Variants in PDPR observed in about 807,000 individuals in gnomAD.
PDPR encodes the protein pyruvate dehydrogenase phosphatase regulatory subunit, mitochondrial.
Under a neutral mutation model 102.2 loss-of-function variants are expected in PDPR, and 50 were observed. That is an observed-to-expected ratio of 0.49 (90% confidence interval 0.39 to 0.62). The LOEUF (loss-of-function observed/expected upper bound fraction) is 0.62. PDPR is among the 20% of genes least tolerant of loss of function. The pLI, the probability that PDPR is intolerant of heterozygous loss-of-function variation, is 0.00. For missense variants in PDPR, 625 were observed against 1,098.2 expected, an observed-to-expected ratio of 0.57 and a Z score of 6.09; for synonymous variants, 259 against 406.0, an observed-to-expected ratio of 0.64 and a Z score of 4.35.
At chr16:70,139,333 C>T (rs1190000874) in intron 11 of PDPR, among the ~76,000 whole-genome samples, 3 of 152,172 alleles carry the variant, frequency 2.0e-5, no homozygotes, top group East Asian at 1.9e-4. Context: ...CTTGAGAGAC[C>T]GTATGTCGAA....
chr16:70,119,026 G>T (rs1231382084), intron 2 of PDPR, among the ~76,000 whole-genome samples: 1 of 152,140 alleles, frequency 6.6e-6, no homozygotes, highest in East Asian at 1.9e-4. Flanking sequence ...GCTACCCTAA[G>T]GCCCCCTTGT....
intron 11 of PDPR, 41 bp from the exon 12 acceptor site, chr16:70,142,193 C>T (rs1358030357): frequency 6.2e-7 from 1 of 1,601,772 alleles, no homozygotes; most frequent in Non-Finnish European, 8.5e-7. Flanking sequence ...GGTCTAGAAT[C>T]TGTGTCTTGG....
rs112108593 is a variant in PDPR at position 70,160,784 on chromosome 16, G to T, written c.*3905G>T. The T allele has an allele frequency of 0.078, 11,547 of 148,984 alleles. No homozygotes were observed. Among genetic ancestry groups the T allele is most frequent in the Non-Finnish European group, 0.11 (7,216 of 66,014 alleles). The allele number at this position is 148,984 out of a possible 1,614,324, so 9.2% of individuals were successfully genotyped here. A position where few individuals can be genotyped will look rare whatever the true frequency, so the allele number is the denominator to read the frequency against. On this transcript the variant is annotated 3_prime_UTR_variant, in exon 19 of 19. Transcript: ENST00000288050. ...TAGCCTCCTCCCTTGCCACCGTCTT[G>T]GTGGCAGTAGCGATGCAAGAATGAT... is the stretch of plus-strand genomic sequence containing the variant.
chr16:70,113,989 T>C (rs2549075), upstream of PDPR: 6,708 of 150,000 alleles, frequency 0.045, 551 homozygotes, highest in African/African-American at 0.16. Context: ...AAGAAAGAAC[T>C]CCCGCGCTCC....
chr16:70,154,093 T>C (rs1356936933), intron 18 of PDPR, among the ~76,000 whole-genome samples: 1 of 152,214 alleles, frequency 6.6e-6, no homozygotes, highest in Non-Finnish European at 1.5e-5. Context: ...GAGGCAGAGG[T>C]TGCAGTGAGC....
chr16:70,121,317 T>G (rs1360008177), intron 3 of PDPR, among the ~76,000 whole-genome samples: 2 of 151,888 alleles, frequency 1.3e-5, no homozygotes, highest in African/African-American at 4.8e-5. Flanking sequence ...TAATTTGTAA[T>G]AGTTACAGAG....
chr16:70,114,605 G>A (rs4985397), intron 1 of PDPR, among the ~76,000 whole-genome samples, 165 bp downstream of exon 1: 57,961 of 152,050 alleles, frequency 0.38, 11,194 homozygotes, highest in Non-Finnish European at 0.39. Flanking sequence ...AGTCGCGTCC[G>A]GGCGCCAGTA....
intron 2 of PDPR, among the ~76,000 whole-genome samples, chr16:70,115,424 C>T (rs1962540757): frequency 6.6e-6 from 1 of 152,174 alleles, no homozygotes; most frequent in African/African-American, 2.4e-5. Context: ...GCTCGGCCAA[C>T]TTGTGTTAAT....
At position 70,132,315 on chromosome 16, in the gene PDPR, T is replaced by C; in HGVS notation, c.997+15T>C. The C allele has an allele frequency of 6.2e-7, 1 of 1,604,636 alleles. No individual in the cohort carries two copies. Among genetic ancestry groups the C allele is most frequent in the Non-Finnish European group, 8.5e-7 (1 of 1,171,846 alleles). ...GGATCACTTTGGTATGTGAACTGCA[T>C]TATAACCGTAGTGCCTTATATTTGT... On this transcript the variant is annotated intron_variant, in intron 9 of 18. Coordinates refer to ENST00000288050, the MANE Select transcript of PDPR (RefSeq NM_017990.5).
intron 3 of PDPR, among the ~76,000 whole-genome samples, chr16:70,125,151 T>G (rs1443907669): frequency 2.6e-5 from 4 of 152,222 alleles, no homozygotes; most frequent in East Asian, 1.9e-4. Flanking sequence ...CTGAGGCGGG[T>G]GGATCATCTA....
At position 70,153,591 on chromosome 16, in the gene PDPR, A is replaced by T; in HGVS notation, c.2235+18A>T. The T allele has an allele frequency of 6.3e-7, 1 of 1,579,820 alleles. No homozygotes were observed. Among genetic ancestry groups the T allele is most frequent in the East Asian group, 2.3e-5 (1 of 43,526 alleles). On this transcript the variant is annotated intron_variant, in intron 18 of 18. Coordinates refer to ENST00000288050, the MANE Select transcript of PDPR (RefSeq NM_017990.5). ...TAGAGAAGGTACTGTGTTTACCCAG[A>T]CTCCACTTTCACTCAGCATCCCGAG...
rs1454254387 is a variant in PDPR, at chr16:70,158,180, C to T, written c.*1301C>T. 6 of 152,540 alleles carry T rather than the reference C, an allele frequency of 3.9e-5. No individual in the cohort carries two copies. Among genetic ancestry groups the T allele is most frequent in the Non-Finnish European group, 5.9e-5 (4 of 68,192 alleles). The allele number at this position is 152,540 out of a possible 1,614,324, so 9.4% of individuals were successfully genotyped here. A position where few individuals can be genotyped will look rare whatever the true frequency, so the allele number is the denominator to read the frequency against. ...GGTGCCCAGAAGTGCCCTGCGCTTT[C>T]AGGCAGTGTCTCTGTTTTCCCAAGG... is the stretch of plus-strand genomic sequence containing the variant. On this transcript the variant is annotated 3_prime_UTR_variant, in exon 19 of 19. Coordinates refer to ENST00000288050, the MANE Select transcript of PDPR (RefSeq NM_017990.5).
Position 70,161,608 on chromosome 16 carries a change from A to T in PDPR, c.*4729A>T, listed in dbSNP as rs895582244. On this transcript the variant is annotated 3_prime_UTR_variant, in exon 19 of 19. Coordinates refer to ENST00000288050, the MANE Select transcript of PDPR (RefSeq NM_017990.5). The stretch of plus-strand genomic sequence containing the variant: ...TCCCCGCCACCACTTCAGGCCAACA[A>T]TTTAAGGTGCTGAGTTGTAAGGCTC... 6.5e-6 allele frequency: 1 copy of T among 153,090 alleles called. No individual in the cohort carries two copies. Among genetic ancestry groups the T allele is most frequent in the Non-Finnish European group, 1.5e-5 (1 of 68,668 alleles). 9.5% of individuals were successfully genotyped at this position (153,090 alleles called of 1,614,324 possible). A position where few individuals can be genotyped will look rare whatever the true frequency, so the allele number is the denominator to read the frequency against.
rs1375349376 is a variant in PDPR at position 70,148,598 on chromosome 16, TTCCCTTCCC to T, written c.2052+47_2052+55del. ...TTCCCTTCCCTTCACTTCCCTTCCC[TTCCCTTCCC>T]TTCCCTTCCCACAACCACTGTGGGG... On this transcript the variant is annotated intron_variant, in intron 17 of 18. Coordinates refer to ENST00000288050, the MANE Select transcript of PDPR (RefSeq NM_017990.5). 5 of 1,463,754 alleles carry T rather than the reference TTCCCTTCCC, an allele frequency of 3.4e-6. No homozygotes were observed. The Admixed American group carries it at 7.5e-5, about 22-fold the overall frequency. 90.7% of individuals were successfully genotyped at this position (1,463,754 alleles called of 1,614,324 possible).
At chr16:70,146,363 A>G in intron 16 of PDPR, 135 bp downstream of exon 16, 1 of 1,372,466 alleles carries the variant, frequency 7.3e-7, no homozygotes, top group Admixed American at 2.1e-5. Flanking sequence ...ACATGCCTGT[A>G]ATCCTAGCAC....
intron 18 of PDPR, among the ~76,000 whole-genome samples, chr16:70,155,610 G>A (rs959355690): frequency 3.3e-5 from 5 of 152,196 alleles, no homozygotes; most frequent in Non-Finnish European, 7.3e-5. Context: ...GGCTGGTCTC[G>A]AACTCCTGAC....
chr16:70,141,160 TCTC>T (rs1965674320), intron 11 of PDPR, among the ~76,000 whole-genome samples: 1 of 152,224 alleles, frequency 6.6e-6, no homozygotes, highest in African/African-American at 2.4e-5. Flanking sequence ...TTCAAACAAT[TCTC>T]CTGCCTCAGC....
chr16:70,163,020 G>C (rs990326520), downstream of PDPR, among the ~76,000 whole-genome samples: 1 of 152,240 alleles, frequency 6.6e-6, no homozygotes, highest in Non-Finnish European at 1.5e-5. Flanking sequence ...GTGTGATCTT[G>C]GCTTACTGCA....
chr16:70,118,051 C>A (rs146885047), intron 2 of PDPR, among the ~76,000 whole-genome samples: 2,323 of 151,250 alleles, frequency 0.015, 29 homozygotes, highest in Middle Eastern at 0.068. Context: ...CGAGATCACA[C>A]CGCTGCACTC....
Sources: allele counts gnomAD v4.1 joint callset (sites outside exome capture counted in the v4.1 genomes callset), GRCh38; gene constraint gnomAD v4.1.1; transcripts MANE v1.5; gene names NCBI Gene and HGNC (gene_info 2026-07-23, HGNC 2026-07-21).